The following CCK variants were observed in gnomAD, a reference collection of about 807,000 sequenced individuals.
CCK encodes the protein cholecystokinin.
A neutral mutation model predicts 10.1 loss-of-function variants in CCK; 11 were observed. The ratio of observed to expected loss-of-function variants is 1.09; its 90% CI spans 0.69 to 1.81. CCK has a LOEUF of 1.81. Among genes scored for constraint, CCK ranks in the 40% most tolerant of loss-of-function variants. The probability of loss-of-function intolerance (pLI) is 0.00; values close to 1 mark genes in which losing one functional copy is unlikely to be tolerated. For synonymous variants in CCK, 83 were observed against 71.9 expected (o/e 1.15, Z -0.78); for missense variants, 137 against 159.9 (o/e 0.86, Z 0.77).
At chr3:42,261,388 A>G (rs1035452143) in intron 4 of CCK, among the ~76,000 whole-genome samples, 1 of 152,174 alleles carries the variant, frequency 6.6e-6, no homozygotes. Context: ...TGTTTGTCAC[A>G]TAGAAGAGTT....
At chr3:42,262,161 C>T (rs888164445) in intron 4 of CCK, among the ~76,000 whole-genome samples, 18 of 150,880 alleles carry the variant, frequency 1.2e-4, no homozygotes, top group African/African-American at 4.4e-4. Flanking sequence ...GGTAAGAGAG[C>T]TTCATGGAAA....
intron 4 of CCK, among the ~76,000 whole-genome samples, chr3:42,258,771 C>T (rs949854765): frequency 6.6e-6 from 1 of 152,114 alleles, no homozygotes; most frequent in African/African-American, 2.4e-5. Flanking sequence ...TAAATTAGTT[C>T]AACCATTGTG....
Position 42,266,083 on chromosome 3 carries a change from C to T in CCK, c.-782G>A, listed in dbSNP as rs1279795860. The T allele has an allele frequency of 6.6e-6, 1 of 152,312 alleles. No individual in the cohort carries two copies. The highest frequency in any genetic ancestry group is 6.5e-5 in the Admixed American group (1 of 15,284). 9.4% of individuals were successfully genotyped at this position (152,312 alleles called of 1,614,324 possible). A position where few individuals can be genotyped will look rare whatever the true frequency, so the allele number is the denominator to read the frequency against. On this transcript the variant is annotated 5_prime_UTR_variant, in exon 1 of 5. Coordinates refer to ENST00000396169, the MANE Select transcript of CCK (RefSeq NM_000729.6). ...CTTGAACCTTGGGACCTCAACTCCT[C>T]TCCCTTTCTTTCCCCCACCCGTCTT...
rs952509011 is a variant in CCK, at chr3:42,261,495, A to G, written c.214+1922T>C. On this transcript the variant is annotated intron_variant, in intron 4 of 4. Transcript: ENST00000396169. Reference sequence around the variant, plus strand: ...GGGTTTGTTTGGCACAATTGGCTGAAGGCAAAGGGAGAGGGGGGCTGAGAA... The same window carrying G: ...GGGTTTGTTTGGCACAATTGGCTGAGGGCAAAGGGAGAGGGGGGCTGAGAA... Among the ~76,000 whole-genome samples, 25 of 152,260 alleles carry G rather than the reference A, an allele frequency of 1.6e-4. No homozygotes were observed. The Middle Eastern group carries it at 0.01, about 63-fold the overall frequency.
In CCK at chr3:42,264,802, A is replaced by G. The variant is rs1799923; in HGVS notation, c.-108T>C. 0.82 allele frequency: 124,996 copies of G among 152,246 alleles called. 52,052 individuals carry two copies. Among genetic ancestry groups the G allele is most frequent in the Non-Finnish European group, 0.89 (60,524 of 68,116 alleles). 9.4% of individuals were successfully genotyped at this position (152,246 alleles called of 1,614,324 possible). On this transcript the variant is annotated 5_prime_UTR_variant, in exon 3 of 5. Coordinates refer to ENST00000396169, the MANE Select transcript of CCK (RefSeq NM_000729.6). ...GGGCGGCTGTCTCTTAAATAGCCCCACCCGGCGGCGTCGGCCAGTCATGTA... is the reference window on the plus strand; with the variant it reads ...GGGCGGCTGTCTCTTAAATAGCCCCGCCCGGCGGCGTCGGCCAGTCATGTA...
At chr3:42,265,095 G>C (rs1319849177) in intron 2 of CCK, 174 bp downstream of exon 2, 2 of 149,404 alleles carry the variant, frequency 1.3e-5, no homozygotes, top group Non-Finnish European at 3.0e-5. Flanking sequence ...CTCCGGGATG[G>C]AGAAGCTGCC....
rs372256076 is a variant in CCK at position 42,258,098 on chromosome 3, C to T, written c.348G>A (p.Ter116=). ...GTTGGGCTGATGGCGGCTGGGTCCT[C>T]TAGGAGGGGTACTCATACTCCTCGG... ...RSAEEYEYPS[*] is the part of the protein sequence containing the mutation. The change falls in exon 5 of 5, where the codon TAG becomes TAA. Residue 116 remains the stop codon, a stop_retained_variant. Transcript: ENST00000396169. 1.9e-5 allele frequency: 30 copies of T among 1,611,432 alleles called. No individual in the cohort carries two copies. The highest frequency in any genetic ancestry group is 2.5e-5 in the Non-Finnish European group (30 of 1,179,252).
At chr3:42,258,366 A>G in intron 4 of CCK, 135 bp from the exon 5 acceptor site, 3 of 954,258 alleles carry the variant, frequency 3.1e-6, no homozygotes, top group Non-Finnish European at 4.6e-6. Context: ...AAGAGCTATC[A>G]AAGTAGTGGA....
chr3:42,263,273 T>G (rs1343101681), intron 4 of CCK, 144 bp downstream of exon 4: 1 of 1,269,914 alleles, frequency 7.9e-7, no homozygotes, highest in East Asian at 2.3e-5. Flanking sequence ...CTTCTCAGAT[T>G]GCTACAAAGG....
intron 4 of CCK, among the ~76,000 whole-genome samples, chr3:42,262,368 G>A (rs1711228832): frequency 6.6e-6 from 1 of 152,012 alleles, no homozygotes; most frequent in South Asian, 2.1e-4. Context: ...TTACAAGCAT[G>A]TGCCACCATG....
chr3:42,259,863 C>A (rs573111293), intron 4 of CCK, among the ~76,000 whole-genome samples: 112 of 152,276 alleles, frequency 7.4e-4, no homozygotes, highest in African/African-American at 2.6e-3. Context: ...ATGGACAAAG[C>A]CCAGGCCAAA....
At chr3:42,258,352 A>C in intron 4 of CCK, 121 bp from the exon 5 acceptor site, 1 of 1,064,634 alleles carries the variant, frequency 9.4e-7, no homozygotes, top group Non-Finnish European at 1.3e-6. Flanking sequence ...CCTTAAAGGT[A>C]TCAAAGAGCT....
intron 3 of CCK, 111 bp from the exon 4 acceptor site, chr3:42,263,743 C>A (rs1290153172): frequency 7.5e-5 from 107 of 1,421,234 alleles, no homozygotes; most frequent in Non-Finnish European, 9.7e-5. Flanking sequence ...GTGCTCCAGA[C>A]CCGCCAGGCC....
chr3:42,262,960 T>C (rs1443394214), intron 4 of CCK: 1 of 204,778 alleles, frequency 4.9e-6, no homozygotes, highest in Non-Finnish European at 1.0e-5. Context: ...CATACTTTGG[T>C]GGAAATGGAC....
At position 42,263,597 on chromosome 3, in the gene CCK, C is replaced by CCATCAG; in HGVS notation, c.28_33dup (p.Leu10_Met11dup). ...GTCAGGGCGCCAGCCGCCAGTACCG[C>CCATCAG]CATCAGCACGCACAGGCACACGCCG... On this transcript the variant is annotated inframe_insertion, in exon 4 of 5. Coordinates refer to ENST00000396169, the MANE Select transcript of CCK (RefSeq NM_000729.6). 1 of 1,607,096 alleles carries CCATCAG rather than the reference C, an allele frequency of 6.2e-7. No homozygotes were observed. The highest frequency in any genetic ancestry group is 8.5e-7 in the Non-Finnish European group (1 of 1,176,584).
intron 4 of CCK, 192 bp downstream of exon 4, chr3:42,263,225 A>T (rs1711239758): frequency 1.2e-6 from 1 of 800,358 alleles, no homozygotes; most frequent in African/African-American, 1.7e-5. Flanking sequence ...GCTTTTCAAG[A>T]AGGTTCCCCT....
intron 3 of CCK, among the ~76,000 whole-genome samples, chr3:42,264,422 G>T (rs191054104): frequency 6.2e-4 from 94 of 152,292 alleles, no homozygotes; most frequent in African/African-American, 2.2e-3. Context: ...CTGTGTAACA[G>T]CTAGCAAACT....
chr3:42,263,121 A>T (rs1425876993), intron 4 of CCK: 5 of 498,148 alleles, frequency 1.0e-5, no homozygotes, highest in Non-Finnish European at 1.5e-5. Flanking sequence ...GTATCTAGGA[A>T]CCCTTTCCTA....
At chr3:42,262,673 G>A (rs1202958137) in intron 4 of CCK, among the ~76,000 whole-genome samples, 2 of 152,202 alleles carry the variant, frequency 1.3e-5, no homozygotes, top group East Asian at 3.8e-4. Context: ...AGATGAATGG[G>A]CCTCCCTCTG....
Sources: allele counts gnomAD v4.1 joint callset (sites outside exome capture counted in the v4.1 genomes callset), GRCh38; gene constraint gnomAD v4.1.1; transcripts MANE v1.5; gene names NCBI Gene and HGNC (gene_info 2026-07-23, HGNC 2026-07-21).